The following CIMAP3 variants were observed in gnomAD, a reference collection of about 807,000 sequenced individuals.
CIMAP3 encodes the protein ciliary microtubule associated protein 3.
At chr1:111,347,697 A>G in the CIMAP3 span, 3 of 1,601,052 alleles carry the variant, frequency 1.9e-6, no homozygotes, top group South Asian at 2.2e-5. Flanking sequence ...CATACGACTT[A>G]TCTAAGATCC....
the CIMAP3 span, among the ~76,000 whole-genome samples, chr1:111,325,635 C>A: frequency 3.3e-5 from 5 of 151,954 alleles, no homozygotes; most frequent in Non-Finnish European, 7.4e-5. Flanking sequence ...TCACAAACAA[C>A]TTGGTATAAT....
At chr1:111,325,156 G>A in the CIMAP3 span, among the ~76,000 whole-genome samples, 1 of 152,180 alleles carries the variant, frequency 6.6e-6, no homozygotes, top group Non-Finnish European at 1.5e-5. Context: ...TGGTAAAGTG[G>A]AAGTGCCTTA....
the CIMAP3 span, among the ~76,000 whole-genome samples, chr1:111,337,340 C>T: frequency 2.0e-5 from 3 of 152,130 alleles, no homozygotes; most frequent in African/African-American, 4.8e-5. Context: ...CAAATTCACA[C>T]ATAACAATAT....
chr1:111,341,012 G>T, the CIMAP3 span, among the ~76,000 whole-genome samples: 1,178 of 150,936 alleles, frequency 7.8e-3, 14 homozygotes, highest in African/African-American at 0.027. Context: ...ATACACCATG[G>T]AATACTATGC....
At chr1:111,332,934 C>G in the CIMAP3 span, among the ~76,000 whole-genome samples, 1 of 152,200 alleles carries the variant, frequency 6.6e-6, no homozygotes, top group African/African-American at 2.4e-5. Flanking sequence ...GCGTTTGTAC[C>G]AGGTGCCACC....
the CIMAP3 span, among the ~76,000 whole-genome samples, chr1:111,326,869 G>A: frequency 1.8e-4 from 28 of 152,026 alleles, no homozygotes; most frequent in Non-Finnish European, 2.8e-4. Context: ...TCATATCCAC[G>A]TTAGCCATTT....
At chr1:111,349,956 G>A in the CIMAP3 span, 17 of 605,604 alleles carry the variant, frequency 2.8e-5, no homozygotes, top group African/African-American at 2.9e-4. Context: ...ACATTAACAG[G>A]TAAAGGAATC....
chr1:111,329,343 A>G, the CIMAP3 span, among the ~76,000 whole-genome samples: 527 of 151,910 alleles, frequency 3.5e-3, 6 homozygotes, highest in Non-Finnish European at 1.9e-3. Context: ...CTTCTTGTGT[A>G]GAATCTTGCA....
chr1:111,326,025 C>T, the CIMAP3 span, among the ~76,000 whole-genome samples: 1 of 152,028 alleles, frequency 6.6e-6, no homozygotes, highest in African/African-American at 2.4e-5. Context: ...TGTTTTTTTA[C>T]TGATGCATTA....
chr1:111,347,682 C>T, the CIMAP3 span: 1 of 1,593,808 alleles, frequency 6.3e-7, no homozygotes. Context: ...AGGGATATGG[C>T]TTGGCATACG....
the CIMAP3 span, among the ~76,000 whole-genome samples, chr1:111,337,095 C>T: frequency 1.3e-5 from 2 of 152,106 alleles, no homozygotes; most frequent in Non-Finnish European, 2.9e-5. Flanking sequence ...TCCAGCCAAA[C>T]TAAGCTTCAT....
chr1:111,347,883 A>T, the CIMAP3 span: 1 of 765,764 alleles, frequency 1.3e-6, no homozygotes, highest in Non-Finnish European at 2.2e-6. Flanking sequence ...CCTGAAATTA[A>T]AGAAAAGTAG....
the CIMAP3 span, among the ~76,000 whole-genome samples, chr1:111,329,549 ATATATATATAAT>A: frequency 7.7e-4 from 50 of 64,676 alleles, no homozygotes; most frequent in African/African-American, 2.9e-3. Flanking sequence ...ATATATATAT[ATATATATATAAT>A]TTTTTTTTTT....
At chr1:111,334,948 C>T in the CIMAP3 span, among the ~76,000 whole-genome samples, 1 of 151,648 alleles carries the variant, frequency 6.6e-6, no homozygotes, top group Admixed American at 6.6e-5. Context: ...GCCAACATGG[C>T]AAAACCCTGT....
the CIMAP3 span, chr1:111,324,729 T>C: frequency 1.0e-6 from 1 of 985,390 alleles, no homozygotes; most frequent in Non-Finnish European, 1.2e-6. Context: ...AAATAATACA[T>C]GAGAGATCCA....
At chr1:111,350,803 G>A in the CIMAP3 span, among the ~76,000 whole-genome samples, 6 of 152,248 alleles carry the variant, frequency 3.9e-5, no homozygotes, top group Non-Finnish European at 5.9e-5. Context: ...TAAAGAAAAT[G>A]TGGAAAATCA....
At chr1:111,348,624 C>A in the CIMAP3 span, 1 of 1,604,472 alleles carries the variant, frequency 6.2e-7, no homozygotes, top group East Asian at 2.2e-5. Flanking sequence ...TAAGAACTAC[C>A]CAAAGGACAC....
the CIMAP3 span, among the ~76,000 whole-genome samples, chr1:111,345,020 G>A: frequency 1.8e-3 from 277 of 152,308 alleles, 3 homozygotes; most frequent in South Asian, 0.026. Context: ...GTAATGTGCT[G>A]TACAGGTTTG....
At chr1:111,336,941 C>T in the CIMAP3 span, among the ~76,000 whole-genome samples, 2 of 151,660 alleles carry the variant, frequency 1.3e-5, no homozygotes, top group Non-Finnish European at 2.9e-5. Flanking sequence ...TAAGGGCAGC[C>T]AGAGAGAAAG....
Sources: allele counts gnomAD v4.1 joint callset (sites outside exome capture counted in the v4.1 genomes callset), GRCh38; gene constraint gnomAD v4.1.1; transcripts MANE v1.5; gene names NCBI Gene and HGNC (gene_info 2026-07-23, HGNC 2026-07-21).